Variants in USH2A observed in about 807,000 individuals in gnomAD.
USH2A encodes the protein usherin, also known as Usher syndrome 2A (autosomal recessive, mild).
A neutral mutation model predicts 538.9 loss-of-function variants in USH2A; 443 were observed. That is an observed-to-expected ratio of 0.82 (90% CI 0.76 to 0.89). The LOEUF is 0.89. Ranked by LOEUF, USH2A falls within the 40% of genes least tolerant of loss-of-function variation. The pLI is 0.00. For synonymous variants in USH2A, 2,413 were observed against 2,273.5 expected, an observed-to-expected ratio of 1.06 and a Z score of -1.75; for missense variants, 6,633 against 6,324.8, an observed-to-expected ratio of 1.05 and a Z score of -1.65.
At chr1:215,918,165 T>C (rs1271905473) in intron 38 of USH2A, among the ~76,000 whole-genome samples, 1 of 152,066 alleles carries the variant, frequency 6.6e-6, no homozygotes, top group Non-Finnish European at 1.5e-5. Flanking sequence ...TAAAAGTCAT[T>C]GTAACAACGG....
chr1:216,019,444 G>C (rs984808183), intron 32 of USH2A, among the ~76,000 whole-genome samples: 1 of 152,270 alleles, frequency 6.6e-6, no homozygotes, highest in Admixed American at 6.5e-5. Context: ...GATAAAAATG[G>C]GGGGAGAAGT....
At chr1:216,231,238 A>G (rs182563324) in intron 14 of USH2A, among the ~76,000 whole-genome samples, 24 of 59,912 alleles carry the variant, frequency 4.0e-4, no homozygotes, top group African/African-American at 1.1e-3. Context: ...TATCCCATAT[A>G]TATATATATA....
At chr1:215,929,626 T>C (rs767917103) in intron 38 of USH2A, among the ~76,000 whole-genome samples, 1 of 151,868 alleles carries the variant, frequency 6.6e-6, no homozygotes, top group Non-Finnish European at 1.5e-5. Flanking sequence ...ACAAAAGAGG[T>C]AGGAAGCACC....
chr1:216,297,041 T>G lies in USH2A; in HGVS notation c.1645-4671A>C, dbSNP rs112104442. Among the ~76,000 whole-genome samples, 1,488 of 152,000 alleles carry G rather than the reference T, an allele frequency of 9.8e-3. 21 individuals carry two copies. Among genetic ancestry groups the G allele is most frequent in the African/African-American group, 0.034 (1,394 of 41,476 alleles). On this transcript the variant is annotated intron_variant, in intron 9 of 71. Coordinates refer to ENST00000307340, the MANE Select transcript of USH2A (RefSeq NM_206933.4). ...TACTCTGGTTACTATATTAAACATT[T>G]AAAATGGGTTGTTTCATTGCATCTT...
rs774188386 is a variant in USH2A, at chr1:215,743,272, G to A, written c.11453C>T (p.Pro3818Leu). The A allele has an allele frequency of 1.1e-5, 17 of 1,611,162 alleles. No homozygotes were observed. The highest frequency in any genetic ancestry group is 1.4e-5 in the Non-Finnish European group (17 of 1,179,148). ...NVLLNDGSVTPLAFSVGHHQS... is the reference protein window; with the variant it reads ...NVLLNDGSVTLLAFSVGHHQS... ...ATGATGACCAACGGAGAAGGCCAGA[G>A]GTGTTACACTTCCATCATTGAGTAA... Residue 3818 changes from proline to leucine, a missense_variant, in exon 59 of 72, where the codon CCT becomes CTT. Pro to Leu is a moderately conservative substitution (Grantham distance 98). Transcript: ENST00000307340.
At chr1:216,375,488 G>T (rs2038800337) in intron 3 of USH2A, among the ~76,000 whole-genome samples, 1 of 152,074 alleles carries the variant, frequency 6.6e-6, no homozygotes. Context: ...TTTGTAGCTT[G>T]CTCACTTCTC....
At chr1:215,782,969 C>T in intron 52 of USH2A, 34 bp from the exon 53 acceptor site, 2 of 1,584,582 alleles carry the variant, frequency 1.3e-6, no homozygotes, top group Non-Finnish European at 1.7e-6. Context: ...GGAAGTTTCT[C>T]TTATTTTCAT....
intron 21 of USH2A, among the ~76,000 whole-genome samples, chr1:216,123,197 T>C (rs529792843): frequency 6.6e-6 from 1 of 152,334 alleles, no homozygotes; most frequent in South Asian, 2.1e-4. Flanking sequence ...TTCCTCTGGG[T>C]AAATAGCACA....
At chr1:215,997,694 C>A (rs1253899059) in intron 34 of USH2A, among the ~76,000 whole-genome samples, 3 of 152,068 alleles carry the variant, frequency 2.0e-5, no homozygotes, top group African/African-American at 7.2e-5. Flanking sequence ...ACCAAGAGCA[C>A]AATTTTTGGT....
intron 3 of USH2A, among the ~76,000 whole-genome samples, chr1:216,379,446 T>C (rs1163653952): frequency 2.0e-5 from 3 of 151,782 alleles, no homozygotes; most frequent in Admixed American, 6.6e-5. Context: ...TAAATCTCTT[T>C]CTCCAGCAAA....
chr1:215,862,979 A>G (rs369389710), intron 44 of USH2A, among the ~76,000 whole-genome samples: 3 of 152,342 alleles, frequency 2.0e-5, no homozygotes, highest in African/African-American at 7.2e-5. Flanking sequence ...AACCTTGAGT[A>G]TAGATGGAAT....
At chr1:216,192,383 A>T (rs1321577043) in intron 19 of USH2A, among the ~76,000 whole-genome samples, 1 of 152,008 alleles carries the variant, frequency 6.6e-6, no homozygotes, top group African/African-American at 2.4e-5. Context: ...TTTGCACAGG[A>T]GAGAGAGTTC....
chr1:216,035,964 A>G (rs2029924191), intron 32 of USH2A, among the ~76,000 whole-genome samples: 1 of 152,198 alleles, frequency 6.6e-6, no homozygotes, highest in South Asian at 2.1e-4. Context: ...TCAATATTGC[A>G]AGATAGAATG....
At position 215,965,350 on chromosome 1, in the gene USH2A, C is replaced by T. The variant is rs781245911; in HGVS notation, c.7087G>A (p.Val2363Ile). ...FRPNGLLTHS[V>I]LFTGIFYVDP... The stretch of plus-strand genomic sequence containing the variant: ...ACATAGAATATCCCAGTGAAAAGGA[C>T]TGAGTGTGTTAAGAGTCCATTAGGG... Residue 2363 changes from valine (V) to isoleucine (I), a missense_variant, in exon 37 of 72, where the codon GTC becomes ATC. Val to Ile is a conservative substitution (Grantham distance 29). Transcript: ENST00000307340. 14 of 1,613,784 alleles carry T rather than the reference C, an allele frequency of 8.7e-6. No individual in the cohort carries two copies. Among genetic ancestry groups the T allele is most frequent in the African/African-American group, 6.7e-5 (5 of 75,004 alleles).
intron 70 of USH2A, among the ~76,000 whole-genome samples, chr1:215,632,204 A>T (rs1656305364): frequency 6.6e-6 from 1 of 152,094 alleles, no homozygotes; most frequent in Non-Finnish European, 1.5e-5. Context: ...CTGGGATTAC[A>T]GGTGTGAGCC....
intron 3 of USH2A, among the ~76,000 whole-genome samples, chr1:216,394,865 C>T (rs1382780833): frequency 4.0e-5 from 6 of 151,648 alleles, no homozygotes; most frequent in South Asian, 2.1e-4. Context: ...ACTACAGGCG[C>T]CCGCCACCAC....
chr1:215,836,894 A>G lies in USH2A; in HGVS notation c.9371+1097T>C, dbSNP rs527707007. ...TATTATAGCCACAGATGTGTTTGCT[A>G]AAGAATAAAGGTCTCTAACGCCCAT... is the stretch of plus-strand genomic sequence containing the variant. On this transcript the variant is annotated intron_variant, in intron 47 of 71. Coordinates refer to ENST00000307340, the MANE Select transcript of USH2A (RefSeq NM_206933.4). Among the ~76,000 whole-genome samples the G allele has an allele frequency of 4.6e-5, 7 of 151,900 alleles. No individual in the cohort carries two copies. In the East Asian group the frequency reaches 1.4e-3, roughly 30 times the overall value.
intron 49 of USH2A, among the ~76,000 whole-genome samples, chr1:215,802,960 GACA>G (rs1366548850): frequency 1.3e-5 from 2 of 151,874 alleles, no homozygotes; most frequent in Non-Finnish European, 1.5e-5. Context: ...TGACACGTAC[GACA>G]ACATGAATGG....
At chr1:216,072,539 C>G in intron 29 of USH2A, 1 of 341,662 alleles carries the variant, frequency 2.9e-6, no homozygotes, top group South Asian at 2.5e-5. Context: ...ATCCTAATCC[C>G]TGACTTCAGC....
Sources: gnomAD v4.1 joint callset for allele counts (sites outside exome capture counted in the v4.1 genomes callset) on GRCh38, gnomAD v4.1.1 for gene constraint, MANE v1.5 for transcripts, NCBI Gene and HGNC (gene_info 2026-07-23, HGNC 2026-07-21) for gene names.